C12orf54: variants seen among roughly 807,000 people sequenced by gnomAD.
C12orf54 encodes the protein chromosome 12 open reading frame 54, also known as uncharacterized protein C12orf54.
Under a neutral mutation model 26.4 loss-of-function variants are expected in C12orf54, and 24 were observed. The observed-to-expected ratio is 0.91, with a 90% CI of 0.66 to 1.28. The LOEUF (loss-of-function observed/expected upper bound fraction) is 1.28, where lower values mean the gene tolerates loss of function less well. Ranked by LOEUF, C12orf54 falls within the 50% of genes most tolerant of loss-of-function variation. C12orf54 has a pLI of 0.00. For missense variants in C12orf54, 154 were observed against 150.9 expected (o/e 1.02, Z -0.11); for synonymous variants, 54 against 47.0 (o/e 1.15, Z -0.61).
At chr12:48,479,279 G>A (rs142689027), upstream of C12orf54, among the ~76,000 whole-genome samples, 54 of 152,126 alleles carry the variant, frequency 3.5e-4, no homozygotes, top group African/African-American at 6.7e-4. Flanking sequence ...ACCAAACACC[G>A]CATATTCTCA....
Position 48,492,975 on chromosome 12 carries a change from G to T in C12orf54, c.222G>T (p.Met74Ile). The stretch of plus-strand genomic sequence containing the variant: ...TGAGCAACTGCTCCATGACACCCAT[G>T]ACATCAGCACCCAGGACTGGGTAAG... ...RGMSNCSMTPMTSAPRTGSIR... is the reference protein window; with the variant it reads ...RGMSNCSMTPITSAPRTGSIR... Residue 74 changes from methionine (M) to isoleucine (I), a missense_variant, in exon 7 of 9, where the codon ATG (methionine) becomes ATT (isoleucine). Physicochemically the swap from Met to Ile is conservative, Grantham distance 10 (BLOSUM62 1). Coordinates refer to ENST00000548364, the MANE Select transcript of C12orf54 (RefSeq NM_152319.4). 1 of 1,614,088 alleles carries T rather than the reference G, an allele frequency of 6.2e-7. No individual in the cohort carries two copies. Among genetic ancestry groups the T allele is most frequent in the Non-Finnish European group, 8.5e-7 (1 of 1,179,970 alleles).
chr12:48,483,965 G>A (rs1346336120), intron 2 of C12orf54, among the ~76,000 whole-genome samples: 5 of 152,130 alleles, frequency 3.3e-5, no homozygotes, highest in African/African-American at 1.2e-4. Flanking sequence ...AGGCCAAGGC[G>A]GGCGGATCAC....
At chr12:48,461,006 G>T in the C12orf54 span, among the ~76,000 whole-genome samples, 1 of 151,974 alleles carries the variant, frequency 6.6e-6, no homozygotes, top group African/African-American at 2.4e-5. Flanking sequence ...AAACCTAACT[G>T]TATGCTGCCT....
At chr12:48,426,295 T>A in the C12orf54 span, among the ~76,000 whole-genome samples, 35 of 151,944 alleles carry the variant, frequency 2.3e-4, no homozygotes, top group Non-Finnish European at 7.4e-5. Flanking sequence ...TTTCAATCAT[T>A]TGCATATAGC....
chr12:48,432,637 AG>A, the C12orf54 span, among the ~76,000 whole-genome samples: 1 of 152,236 alleles, frequency 6.6e-6, no homozygotes, highest in Non-Finnish European at 1.5e-5. Context: ...TGGAAGGCCA[AG>A]GTGGGCTGAT....
the C12orf54 span, among the ~76,000 whole-genome samples, chr12:48,439,719 G>T: frequency 3.3e-5 from 5 of 152,116 alleles, no homozygotes; most frequent in African/African-American, 1.2e-4. Context: ...GACACAGGAA[G>T]GGGAACATCA....
At chr12:48,437,634 A>C in the C12orf54 span, among the ~76,000 whole-genome samples, 1 of 152,258 alleles carries the variant, frequency 6.6e-6, no homozygotes, top group African/African-American at 2.4e-5. Context: ...GCATATAAAC[A>C]GAACCAAAGA....
chr12:48,458,010 G>A, the C12orf54 span, among the ~76,000 whole-genome samples: 2 of 152,224 alleles, frequency 1.3e-5, no homozygotes, highest in East Asian at 3.9e-4. Flanking sequence ...CCCAGTGTCT[G>A]AGCCCAGGAA....
At chr12:48,435,042 T>C in the C12orf54 span, among the ~76,000 whole-genome samples, 3 of 152,042 alleles carry the variant, frequency 2.0e-5, no homozygotes, top group African/African-American at 7.2e-5. Context: ...ATAACTAGAA[T>C]AACCAATGCA....
chr12:48,489,519 G>A (rs548974799), intron 5 of C12orf54, among the ~76,000 whole-genome samples: 43 of 152,096 alleles, frequency 2.8e-4, no homozygotes, highest in Non-Finnish European at 5.1e-4. Context: ...TCTGGCTCCC[G>A]GGTTCAAGTG....
At chr12:48,418,473 T>C in the C12orf54 span, among the ~76,000 whole-genome samples, 1 of 152,252 alleles carries the variant, frequency 6.6e-6, no homozygotes, top group Non-Finnish European at 1.5e-5. Flanking sequence ...ATGTCAGACA[T>C]GTGAGGGGAT....
At chr12:48,441,095 G>A in the C12orf54 span, among the ~76,000 whole-genome samples, 10 of 152,114 alleles carry the variant, frequency 6.6e-5, no homozygotes, top group Non-Finnish European at 1.2e-4. Context: ...TTTATCTAAC[G>A]TATGTGTTGT....
At chr12:48,454,912 A>C in the C12orf54 span, among the ~76,000 whole-genome samples, 1 of 152,190 alleles carries the variant, frequency 6.6e-6, no homozygotes, top group Non-Finnish European at 1.5e-5. Context: ...AGTTTTGACT[A>C]CTGCAAGTTT....
At chr12:48,451,469 A>G in the C12orf54 span, among the ~76,000 whole-genome samples, 1 of 152,190 alleles carries the variant, frequency 6.6e-6, no homozygotes, top group Non-Finnish European at 1.5e-5. Flanking sequence ...CCTATTCAAT[A>G]TAGTATTAGA....
chr12:48,431,910 G>A, the C12orf54 span, among the ~76,000 whole-genome samples: 3 of 152,136 alleles, frequency 2.0e-5, no homozygotes, highest in East Asian at 5.8e-4. Context: ...GCAAAACTCT[G>A]TAAATATGCT....
chr12:48,463,839 A>G, the C12orf54 span, among the ~76,000 whole-genome samples: 2 of 152,132 alleles, frequency 1.3e-5, no homozygotes, highest in Non-Finnish European at 2.9e-5. Context: ...GCACGTGATT[A>G]TCTCAATAGA....
the C12orf54 span, among the ~76,000 whole-genome samples, chr12:48,425,146 A>G: frequency 1.3e-5 from 2 of 152,084 alleles, no homozygotes; most frequent in African/African-American, 4.8e-5. Flanking sequence ...AACTGGTGTC[A>G]CAGGGATTTG....
the C12orf54 span, among the ~76,000 whole-genome samples, chr12:48,462,337 TAAAC>T: frequency 1.2e-4 from 18 of 151,428 alleles, no homozygotes; most frequent in African/African-American, 2.4e-4. Context: ...TAATAAAAAA[TAAAC>T]AACAACTTCT....
At chr12:48,489,138 T>C (rs572738575) in intron 5 of C12orf54, 182 bp downstream of exon 5, 2 of 762,464 alleles carry the variant, frequency 2.6e-6, no homozygotes, top group East Asian at 2.4e-5. Flanking sequence ...GGCAAGAAGA[T>C]GCCTAACAGT....
Sources: allele counts gnomAD v4.1 joint callset (sites outside exome capture counted in the v4.1 genomes callset), GRCh38; gene constraint gnomAD v4.1.1; transcripts MANE v1.5; gene names NCBI Gene and HGNC (gene_info 2026-07-23, HGNC 2026-07-21).